Variants in ROR2 observed in about 807,000 individuals in gnomAD.
ROR2 encodes the protein tyrosine-protein kinase transmembrane receptor ROR2.
ROR2 carries 33 observed loss-of-function variants against 74.9 expected under a neutral mutation model. The ratio of observed to expected loss-of-function variants is 0.44; its 90% CI spans 0.33 to 0.59. The LOEUF is 0.59. Among genes scored for constraint, ROR2 ranks in the 20% least tolerant of loss-of-function variants. The pLI, the probability that ROR2 is intolerant of heterozygous loss-of-function variation, is 0.02. For synonymous variants in ROR2, 586 were observed against 558.7 expected (o/e 1.05, Z -0.69); for missense variants, 1,216 against 1,313.8 (o/e 0.93, Z 1.15).
chr9:91,828,200 T>C (rs939561604), intron 1 of ROR2, among the ~76,000 whole-genome samples: 9 of 152,260 alleles, frequency 5.9e-5, no homozygotes, highest in African/African-American at 1.7e-4. Context: ...TTTCTTATTG[T>C]TTGGTGAAGT....
At chr9:91,829,570 AAAAG>A in intron 1 of ROR2, among the ~76,000 whole-genome samples, 1 of 151,144 alleles carries the variant, frequency 6.6e-6, no homozygotes, top group Non-Finnish European at 1.5e-5. Context: ...AAAAAAAAAA[AAAAG>A]CACACATCTC....
chr9:91,769,637 T>C lies in ROR2; in HGVS notation c.175+6104A>G, dbSNP rs182311454. ...TCCTCTCCCACGCCCGCCTCCTGCC[T>C]GGAGCATCCTGAGCTGTGGGGCCTT... On this transcript the variant is annotated intron_variant, in intron 2 of 8. Transcript: ENST00000375708. 3.2e-3 allele frequency among the ~76,000 whole-genome samples: 492 copies of C among 152,186 alleles called. 3 individuals are homozygous for C. Among genetic ancestry groups the C allele is most frequent in the African/African-American group, 0.011 (443 of 41,530 alleles).
intron 2 of ROR2, among the ~76,000 whole-genome samples, chr9:91,762,595 TA>T (rs1018161809): frequency 2.0e-5 from 3 of 152,100 alleles, no homozygotes; most frequent in Non-Finnish European, 4.4e-5. Context: ...TTTGAACACT[TA>T]AAAAAAATTC....
At chr9:91,781,933 TTC>T (rs1454418765) in intron 1 of ROR2, among the ~76,000 whole-genome samples, 1 of 152,226 alleles carries the variant, frequency 6.6e-6, no homozygotes, top group East Asian at 1.9e-4. Context: ...TCTTTCTACT[TTC>T]TGTCTCTGAC....
At chr9:91,862,084 G>A (rs1829485347) in intron 1 of ROR2, among the ~76,000 whole-genome samples, 3 of 152,270 alleles carry the variant, frequency 2.0e-5, no homozygotes, top group African/African-American at 4.8e-5. Flanking sequence ...AGCACTTTGG[G>A]AGGCTGAGGA....
intron 1 of ROR2, among the ~76,000 whole-genome samples, chr9:91,873,149 G>GT (rs565443743): frequency 1.1e-4 from 16 of 151,946 alleles, no homozygotes; most frequent in Non-Finnish European, 2.1e-4. Context: ...GTCAACATTG[G>GT]TTTTCACCCT....
intron 1 of ROR2, among the ~76,000 whole-genome samples, chr9:91,780,253 T>G (rs541783287): frequency 2.6e-5 from 4 of 152,162 alleles, no homozygotes; most frequent in Non-Finnish European, 2.9e-5. Context: ...GGCAGGAGCC[T>G]GTAGTCCCAG....
At chr9:91,778,742 G>A (rs1159532448) in intron 1 of ROR2, among the ~76,000 whole-genome samples, 3 of 152,156 alleles carry the variant, frequency 2.0e-5, no homozygotes, top group Admixed American at 6.5e-5. Flanking sequence ...TCATCCGTAT[G>A]ACAGGCACAG....
At chr9:91,759,402 G>C (rs1825849914) in intron 2 of ROR2, among the ~76,000 whole-genome samples, 1 of 152,158 alleles carries the variant, frequency 6.6e-6, no homozygotes, top group Admixed American at 6.5e-5. Context: ...TTAAGTTATA[G>C]AAGGTACTTC....
intron 1 of ROR2, among the ~76,000 whole-genome samples, chr9:91,867,664 G>C (rs867518914): frequency 2.0e-4 from 29 of 141,608 alleles, no homozygotes; most frequent in South Asian, 2.0e-3. Flanking sequence ...AGCTGTGTGT[G>C]TGTGTGTGTG....
intron 1 of ROR2, among the ~76,000 whole-genome samples, chr9:91,932,514 A>T (rs2117964880): frequency 6.6e-6 from 1 of 151,654 alleles, no homozygotes; most frequent in South Asian, 2.1e-4. Flanking sequence ...AAAAAAAAAA[A>T]TTAGCTGGGT....
At chr9:91,904,694 C>T (rs1830766358) in intron 1 of ROR2, among the ~76,000 whole-genome samples, 1 of 151,920 alleles carries the variant, frequency 6.6e-6, no homozygotes, top group Admixed American at 6.6e-5. Flanking sequence ...TGTAAAGATC[C>T]CATCTCCACC....
At chr9:91,837,631 T>C (rs1055369913) in intron 1 of ROR2, among the ~76,000 whole-genome samples, 1 of 152,202 alleles carries the variant, frequency 6.6e-6, no homozygotes, top group Non-Finnish European at 1.5e-5. Context: ...GCAGTTATTC[T>C]CAAAGCCATC....
chr9:91,751,952 G>C (rs948437362), intron 4 of ROR2, among the ~76,000 whole-genome samples: 5 of 152,190 alleles, frequency 3.3e-5, no homozygotes, highest in Admixed American at 2.0e-4. Context: ...GTATTCAGAG[G>C]AAACTTTACA....
chr9:91,852,534 C>G (rs1244236285), intron 1 of ROR2, among the ~76,000 whole-genome samples: 1 of 151,816 alleles, frequency 6.6e-6, no homozygotes, highest in Non-Finnish European at 1.5e-5. Flanking sequence ...GTGCGGAGGG[C>G]AGCATTTTGT....
At chr9:91,726,279 G>A (rs911412772) in intron 8 of ROR2, among the ~76,000 whole-genome samples, 1 of 152,160 alleles carries the variant, frequency 6.6e-6, no homozygotes, top group Non-Finnish European at 1.5e-5. Context: ...ACTCGCTGGG[G>A]CCCACAGGGG....
At chr9:91,877,113 G>A (rs1422542004) in intron 1 of ROR2, among the ~76,000 whole-genome samples, 1 of 152,204 alleles carries the variant, frequency 6.6e-6, no homozygotes, top group African/African-American at 2.4e-5. Context: ...TGGGAAGACT[G>A]TGGGGTGACA....
At chr9:91,839,294 G>GTGTGTA (rs1828714117) in intron 1 of ROR2, among the ~76,000 whole-genome samples, 51 of 142,638 alleles carry the variant, frequency 3.6e-4, no homozygotes, top group African/African-American at 1.3e-3. Context: ...GTGTGTGTGT[G>GTGTGTA]TAAGTACAGG....
chr9:91,890,002 A>G (rs1830385479), intron 1 of ROR2, among the ~76,000 whole-genome samples: 1 of 152,180 alleles, frequency 6.6e-6, no homozygotes, highest in South Asian at 2.1e-4. Flanking sequence ...AAAAGTCTCC[A>G]GGGCTTTTTC....
Sources: allele counts gnomAD v4.1 joint callset (sites outside exome capture counted in the v4.1 genomes callset), GRCh38; gene constraint gnomAD v4.1.1; transcripts MANE v1.5; gene names NCBI Gene and HGNC (gene_info 2026-07-23, HGNC 2026-07-21).